CHLSN: variants seen among roughly 807,000 people sequenced by gnomAD.
The protein encoded by CHLSN is cholesin, also known as protein cholesin.
chr7:1,120,750 G>A, the CHLSN span, among the ~76,000 whole-genome samples: 2 of 152,238 alleles, frequency 1.3e-5, no homozygotes, highest in African/African-American at 4.8e-5. Flanking sequence ...TAGTAAACGG[G>A]TGAGAGAATC....
chr7:1,102,196 G>A, the CHLSN span, among the ~76,000 whole-genome samples: 2 of 152,346 alleles, frequency 1.3e-5, no homozygotes, highest in East Asian at 1.9e-4. Flanking sequence ...CACAAACTCC[G>A]TCCAAAGTCC....
chr7:1,052,937 C>G, the CHLSN span, among the ~76,000 whole-genome samples: 5 of 152,196 alleles, frequency 3.3e-5, no homozygotes. The surrounding 1 kb of genome is among the most constrained non-coding windows in gnomAD (Gnocchi z 4.2). Context: ...GAGCCCACTT[C>G]TGAAGAGGCT....
the CHLSN span, among the ~76,000 whole-genome samples, chr7:1,112,171 A>G: frequency 2.0e-5 from 3 of 152,240 alleles, no homozygotes; most frequent in Admixed American, 6.5e-5. Context: ...TGACATGGAA[A>G]CAGTGGGCTT....
chr7:1,006,584 A>AGGGAAAGAGCGCACGACGGCCACAGCGCG, the CHLSN span, among the ~76,000 whole-genome samples: 1 of 128,914 alleles, frequency 7.8e-6, no homozygotes, highest in Admixed American at 8.0e-5. Flanking sequence ...GCCACAGCGC[A>AGGGAAAGAGCGCACGACGGCCACAGCGCG]GGGAAAGAGC....
the CHLSN span, among the ~76,000 whole-genome samples, chr7:1,053,584 T>C: frequency 6.6e-6 from 1 of 152,138 alleles, no homozygotes. Flanking sequence ...TCCCAGCACT[T>C]TGGGAGGCCG....
the CHLSN span, among the ~76,000 whole-genome samples, chr7:1,011,569 A>T: frequency 2.0e-5 from 3 of 146,978 alleles, no homozygotes; most frequent in Admixed American, 6.7e-5. Context: ...AAACACACCC[A>T]AACACATCCA....
the CHLSN span, among the ~76,000 whole-genome samples, chr7:998,457 CTT>C: frequency 7.1e-4 from 67 of 95,006 alleles, no homozygotes; most frequent in East Asian, 9.4e-4. Flanking sequence ...GTCTTAGATT[CTT>C]TTTTTTTTTT....
the CHLSN span, chr7:997,813 GAA>G: frequency 6.3e-7 from 1 of 1,593,966 alleles, no homozygotes; most frequent in Non-Finnish European, 8.6e-7. Flanking sequence ...ACCTGGACGG[GAA>G]AGAGATCGAG....
chr7:1,050,834 C>T, the CHLSN span, among the ~76,000 whole-genome samples: 2 of 152,216 alleles, frequency 1.3e-5, no homozygotes, highest in Non-Finnish European at 2.9e-5. Context: ...TCCACAGGCG[C>T]TCGGCAGGGA....
the CHLSN span, among the ~76,000 whole-genome samples, chr7:980,769 G>A: frequency 1.4e-5 from 2 of 147,080 alleles, no homozygotes; most frequent in Non-Finnish European, 3.0e-5. Context: ...CTCACTGCAA[G>A]CTCCGCCTCC....
chr7:1,083,975 GCAC>G, the CHLSN span, among the ~76,000 whole-genome samples: 1 of 152,256 alleles, frequency 6.6e-6, no homozygotes, highest in African/African-American at 2.4e-5. Context: ...ACTGTGGGCC[GCAC>G]CACGTCCTGA....
the CHLSN span, among the ~76,000 whole-genome samples, chr7:1,102,377 G>C: frequency 2.0e-5 from 3 of 152,204 alleles, no homozygotes; most frequent in Non-Finnish European, 2.9e-5. Context: ...AGAAGAGGAG[G>C]GGGAGAAGAA....
At chr7:1,073,360 G>GCCGGCAGCTACT in the CHLSN span, among the ~76,000 whole-genome samples, 11 of 152,032 alleles carry the variant, frequency 7.2e-5, no homozygotes, top group Non-Finnish European at 1.5e-4. Context: ...GAGACAAGTG[G>GCCGGCAGCTACT]CCGGCAGCTA....
At chr7:1,059,329 C>A in the CHLSN span, 1 of 155,960 alleles carries the variant, frequency 6.4e-6, no homozygotes. Flanking sequence ...GAGGCTGTGT[C>A]ACACGGGGTC....
the CHLSN span, among the ~76,000 whole-genome samples, chr7:996,482 A>G: frequency 6.6e-6 from 1 of 152,066 alleles, no homozygotes; most frequent in African/African-American, 2.4e-5. Context: ...CAAACCCCCA[A>G]CCTGGGCTGG....
the CHLSN span, among the ~76,000 whole-genome samples, chr7:1,035,629 C>T: frequency 1.8e-4 from 27 of 152,290 alleles, no homozygotes; most frequent in Non-Finnish European, 2.9e-4. Context: ...ATCCAGAGAC[C>T]GACATCACCA....
the CHLSN span, among the ~76,000 whole-genome samples, chr7:1,121,343 C>T: frequency 6.6e-6 from 1 of 152,158 alleles, no homozygotes; most frequent in African/African-American, 2.4e-5. Flanking sequence ...CAGGGAGCCT[C>T]CACAGACACC....
the CHLSN span, among the ~76,000 whole-genome samples, chr7:990,991 T>C: frequency 6.6e-6 from 1 of 151,874 alleles, no homozygotes; most frequent in African/African-American, 2.4e-5. Flanking sequence ...TGCCCCCAAC[T>C]TAGTCGGCCT....
chr7:1,119,001 T>C, the CHLSN span, among the ~76,000 whole-genome samples: 1 of 152,084 alleles, frequency 6.6e-6, no homozygotes, highest in South Asian at 2.1e-4. Context: ...ACGCCTGTAA[T>C]CCCAGCACTT....
Sources: gnomAD v4.1 joint callset for allele counts (sites outside exome capture counted in the v4.1 genomes callset) on GRCh38, gnomAD v4.1.1 for gene constraint, Gnocchi (gnomAD v3.1) non-coding constraint, MANE v1.5 for transcripts, NCBI Gene and HGNC (gene_info 2026-07-23, HGNC 2026-07-21) for gene names.